The following TYR variants were observed in gnomAD, a reference collection of about 807,000 sequenced individuals.
TYR encodes the protein tyrosinase.
A neutral mutation model predicts 51.5 loss-of-function variants in TYR; 58 were observed. The observed-to-expected ratio is 1.13, with a 90% confidence interval of 0.91 to 1.40. TYR has a LOEUF of 1.40. Among genes scored for constraint, TYR ranks in the 40% most tolerant of loss-of-function variants. The probability of loss-of-function intolerance (pLI) is 0.00; values close to 1 mark genes in which losing one functional copy is unlikely to be tolerated. For synonymous variants in TYR, 263 were observed against 235.2 expected, an observed-to-expected ratio of 1.12 and a Z score of -1.08; for missense variants, 732 against 647.4, an observed-to-expected ratio of 1.13 and a Z score of -1.42.
chr11:89,291,717 C>T (rs373429178), intron 4 of TYR, among the ~76,000 whole-genome samples: 9 of 151,916 alleles, frequency 5.9e-5, no homozygotes, highest in African/African-American at 2.2e-4. Flanking sequence ...AATGTTTATG[C>T]CCCTATATCA....
intron 3 of TYR, among the ~76,000 whole-genome samples, chr11:89,242,934 C>T (rs1944218055): frequency 6.6e-6 from 1 of 152,100 alleles, no homozygotes; most frequent in African/African-American, 2.4e-5. Context: ...AGTCAGTTAA[C>T]CACTCAATCA....
intron 3 of TYR, among the ~76,000 whole-genome samples, chr11:89,237,246 G>A (rs1355933589): frequency 1.3e-5 from 2 of 151,986 alleles, no homozygotes; most frequent in Admixed American, 6.6e-5. Context: ...TTCGTTGCCT[G>A]TGCTTTGAGG....
intron 2 of TYR, among the ~76,000 whole-genome samples, chr11:89,221,707 G>C (rs773852779): frequency 6.6e-6 from 1 of 152,142 alleles, no homozygotes; most frequent in Non-Finnish European, 1.5e-5. Flanking sequence ...TGGGTCTTAA[G>C]TCACTTTTTA....
chr11:89,221,866 G>A (rs1405348175), intron 2 of TYR, among the ~76,000 whole-genome samples: 1 of 152,148 alleles, frequency 6.6e-6, no homozygotes, highest in African/African-American at 2.4e-5. Context: ...CTATTCTTCT[G>A]AAGATTTAAC....
intron 3 of TYR, among the ~76,000 whole-genome samples, chr11:89,275,104 G>C (rs113287142): frequency 6.6e-6 from 1 of 151,732 alleles, no homozygotes; most frequent in Non-Finnish European, 1.5e-5. Flanking sequence ...AATAAAAAAG[G>C]GTTTAAATTC....
At chr11:89,294,441 T>C (rs1321656864) in intron 4 of TYR, among the ~76,000 whole-genome samples, 1 of 152,126 alleles carries the variant, frequency 6.6e-6, no homozygotes, top group Non-Finnish European at 1.5e-5. Context: ...CTGAGGCCTA[T>C]AAAGGCCAGG....
intron 4 of TYR, among the ~76,000 whole-genome samples, chr11:89,289,660 T>C (rs1944834361): frequency 6.6e-6 from 1 of 151,956 alleles, no homozygotes; most frequent in African/African-American, 2.4e-5. Flanking sequence ...ATAAATGAGT[T>C]GAAGAAAGAT....
chr11:89,179,134 AC>A (rs1160362052), intron 1 of TYR, among the ~76,000 whole-genome samples: 8 of 152,220 alleles, frequency 5.3e-5, no homozygotes, highest in African/African-American at 9.6e-5. Flanking sequence ...GATTAAAAAA[AC>A]AAATGATATA....
intron 3 of TYR, among the ~76,000 whole-genome samples, chr11:89,249,827 G>T (rs1024157108): frequency 6.6e-6 from 1 of 151,906 alleles, no homozygotes; most frequent in African/African-American, 2.4e-5. Flanking sequence ...AGGAGAAAAA[G>T]GAAAAAATTG....
chr11:89,185,485 A>G (rs1036492413), intron 1 of TYR, among the ~76,000 whole-genome samples: 1 of 152,216 alleles, frequency 6.6e-6, no homozygotes, highest in African/African-American at 2.4e-5. Flanking sequence ...TAGAAACTGT[A>G]CTAGATTCTG....
rs530735856 is a variant in TYR, at chr11:89,245,796, C to T, written c.1184+17826C>T. 2.6e-5 allele frequency among the ~76,000 whole-genome samples: 4 copies of T among 152,100 alleles called. No homozygotes were observed. In the South Asian group the frequency reaches 8.3e-4, roughly 32 times the overall value. On this transcript the variant is annotated intron_variant, in intron 3 of 4. Transcript: ENST00000263321. The stretch of plus-strand genomic sequence containing the variant: ...AATTAGCTGGGCTTGGTGGTGGGCA[C>T]CTGTAGTCCCAGCTACTTGGGAGGC...
intron 2 of TYR, among the ~76,000 whole-genome samples, chr11:89,212,418 C>T (rs9736253): frequency 0.19 from 28,761 of 151,988 alleles, 3,586 homozygotes; most frequent in African/African-American, 0.36. Flanking sequence ...AGACCAATAA[C>T]AGGTGCTGAA....
chr11:89,259,670 G>T (rs1944434675), intron 3 of TYR, among the ~76,000 whole-genome samples: 1 of 152,000 alleles, frequency 6.6e-6, no homozygotes, highest in Non-Finnish European at 1.5e-5. Context: ...CCTTTCAGAG[G>T]CTTACCCTAC....
chr11:89,282,321 A>C (rs1314831686), intron 3 of TYR, among the ~76,000 whole-genome samples: 2 of 151,914 alleles, frequency 1.3e-5, no homozygotes, highest in South Asian at 2.1e-4. Flanking sequence ...AAAATTTGAC[A>C]GGGGTGGTGG....
intron 4 of TYR, among the ~76,000 whole-genome samples, chr11:89,286,536 G>C (rs573917350): frequency 1.3e-5 from 2 of 151,820 alleles, no homozygotes; most frequent in South Asian, 2.1e-4. Flanking sequence ...AGTATAAATT[G>C]ATTTTCCCAG....
intron 4 of TYR, among the ~76,000 whole-genome samples, chr11:89,285,758 A>T (rs909705704): frequency 1.1e-4 from 16 of 151,766 alleles, no homozygotes; most frequent in African/African-American, 1.7e-4. Flanking sequence ...ACTTTCTCAA[A>T]ATCAAACACC....
intron 3 of TYR, among the ~76,000 whole-genome samples, chr11:89,235,577 C>A (rs1481368228): frequency 6.6e-6 from 1 of 152,036 alleles, no homozygotes; most frequent in Non-Finnish European, 1.5e-5. Context: ...CACAGAAAGA[C>A]AAGTAACCAC....
At chr11:89,259,747 A>G (rs779544984) in intron 3 of TYR, among the ~76,000 whole-genome samples, 10 of 152,112 alleles carry the variant, frequency 6.6e-5, no homozygotes, top group South Asian at 2.1e-4. Flanking sequence ...CCAAGCTGGC[A>G]TTCTACCAAC....
Position 89,210,587 on chromosome 11 carries a change from C to A in TYR, c.1037-17236C>A, listed in dbSNP as rs1433418159. On this transcript the variant is annotated intron_variant, in intron 2 of 4. Coordinates refer to ENST00000263321, the MANE Select transcript of TYR (RefSeq NM_000372.5). The stretch of plus-strand genomic sequence containing the variant: ...AACTTCCCCAACCTAGCAAGGCAGG[C>A]CAACATTCAAATTCAGGAAATACAG... 2.0e-5 allele frequency among the ~76,000 whole-genome samples: 3 copies of A among 152,128 alleles called. No individual in the cohort carries two copies. The East Asian group carries it at 5.8e-4, about 29-fold the overall frequency.
Sources: allele counts gnomAD v4.1 joint callset (sites outside exome capture counted in the v4.1 genomes callset), GRCh38; gene constraint gnomAD v4.1.1; transcripts MANE v1.5; gene names NCBI Gene and HGNC (gene_info 2026-07-23, HGNC 2026-07-21).